Variants in DPP6 observed in about 807,000 individuals in gnomAD.
DPP6 encodes A-type potassium channel modulatory protein DPP6.
DPP6 carries 69 observed loss-of-function variants against 122.6 expected under a neutral mutation model. The ratio of observed to expected loss-of-function variants is 0.56; its 90% confidence interval spans 0.46 to 0.69. DPP6 has a LOEUF of 0.69. DPP6 is among the 30% of genes least tolerant of loss of function. DPP6 has a pLI of 0.00. For missense variants in DPP6, 928 were observed against 1,116.9 expected, an observed-to-expected ratio of 0.83 and a Z score of 2.41; for synonymous variants, 418 against 433.1, an observed-to-expected ratio of 0.97 and a Z score of 0.43.
In DPP6 at chr7:154,241,189, G is replaced by GTGTGTGTGTT. The variant is rs1801578003; in HGVS notation, c.243+188135_243+188136insTTGTGTGTGT. On this transcript the variant is annotated intron_variant, in intron 1 of 25. Coordinates refer to ENST00000377770, the MANE Select transcript of DPP6 (RefSeq NM_130797.4). The surrounding 1 kb of genome is among the most constrained non-coding windows in gnomAD (Gnocchi z 9.0). The stretch of plus-strand genomic sequence containing the variant: ...AGTAGGTAATTCAATATCAATATGT[G>GTGTGTGTGTT]TGTGTGTGTGTGTGTGTGTGTGTGT... Among the ~76,000 whole-genome samples, 2 of 146,778 alleles carry GTGTGTGTGTT rather than the reference G, an allele frequency of 1.4e-5. No homozygotes were observed. Among genetic ancestry groups the GTGTGTGTGTT allele is most frequent in the Non-Finnish European group, 3.0e-5 (2 of 67,578 alleles).
At chr7:154,704,268 T>G (rs1381042336) in intron 7 of DPP6, among the ~76,000 whole-genome samples, 1 of 152,180 alleles carries the variant, frequency 6.6e-6, no homozygotes, top group Admixed American at 6.5e-5. Flanking sequence ...AGGATAAAAC[T>G]TGAATGGGTG....
At chr7:154,438,469 CAAAAAAAAAAA>C (rs58978160) in intron 1 of DPP6, among the ~76,000 whole-genome samples, 1,645 of 37,538 alleles carry the variant, frequency 0.044, 28 homozygotes, top group African/African-American at 0.13. Flanking sequence ...GACTCCAACT[CAAAAAAAAAAA>C]AAAAAAAAAA....
chr7:154,886,932 T>C (rs571219415), intron 22 of DPP6, among the ~76,000 whole-genome samples: 3 of 152,372 alleles, frequency 2.0e-5, no homozygotes, highest in Admixed American at 1.3e-4. Context: ...ATGTGAATCA[T>C]GTAAGAGGAA....
At chr7:153,897,551 T>C (rs1799463658) in intron 1 of DPP6, among the ~76,000 whole-genome samples, 1 of 152,216 alleles carries the variant, frequency 6.6e-6, no homozygotes, top group African/African-American at 2.4e-5. Flanking sequence ...AAAAATTTTC[T>C]TATCCCTACT....
At chr7:154,484,625 C>A (rs889203602) in intron 3 of DPP6, among the ~76,000 whole-genome samples, 1 of 152,252 alleles carries the variant, frequency 6.6e-6, no homozygotes, top group Non-Finnish European at 1.5e-5. Context: ...CTCCCCGCCC[C>A]CTGCAGCATG....
At chr7:154,806,935 C>T (rs1798730676) in intron 15 of DPP6, 59 bp from the exon 16 acceptor site, 2 of 1,588,762 alleles carry the variant, frequency 1.3e-6, no homozygotes, top group Admixed American at 3.4e-5. Flanking sequence ...TTGCGGCACC[C>T]AGCGTGGAGG....
chr7:153,919,759 C>T (rs1800545992), intron 1 of DPP6, among the ~76,000 whole-genome samples: 1 of 152,172 alleles, frequency 6.6e-6, no homozygotes, highest in South Asian at 2.1e-4. Flanking sequence ...GCCTCTGTTT[C>T]ATGAATTTCT....
chr7:154,415,469 A>G (rs1432141835), intron 1 of DPP6, among the ~76,000 whole-genome samples: 2 of 152,032 alleles, frequency 1.3e-5, no homozygotes, highest in South Asian at 2.1e-4. Context: ...AACTTTGCAG[A>G]GTTTTGTGGA....
intron 1 of DPP6, among the ~76,000 whole-genome samples, chr7:153,917,263 A>C (rs1317098105): frequency 6.6e-6 from 1 of 152,252 alleles, no homozygotes; most frequent in Non-Finnish European, 1.5e-5. Context: ...ATTAGGACAC[A>C]GTGCCTATCA....
chr7:153,965,582 A>G (rs1413152367), intron 1 of DPP6, among the ~76,000 whole-genome samples: 5 of 152,182 alleles, frequency 3.3e-5, no homozygotes, highest in East Asian at 3.9e-4. Flanking sequence ...GCGCGATTTC[A>G]GCTCACTGCA....
intron 1 of DPP6, among the ~76,000 whole-genome samples, chr7:154,115,170 G>A (rs568130303): frequency 3.3e-5 from 5 of 152,324 alleles, no homozygotes; most frequent in African/African-American, 1.2e-4. Flanking sequence ...ATCAGGTGGT[G>A]TGAAAGACAA....
chr7:154,541,989 C>T (rs983981501), intron 4 of DPP6, among the ~76,000 whole-genome samples: 6 of 152,164 alleles, frequency 3.9e-5, no homozygotes, highest in Admixed American at 2.0e-4. Context: ...GCTGTGCTGC[C>T]TTCTTTTCCC....
intron 1 of DPP6, among the ~76,000 whole-genome samples, chr7:154,405,019 C>T (rs1209481496): frequency 1.3e-5 from 2 of 151,776 alleles, no homozygotes; most frequent in South Asian, 2.1e-4. Context: ...AGCGTCATAC[C>T]TACATAAATA....
At chr7:154,158,001 A>G (rs1466644462) in intron 1 of DPP6, among the ~76,000 whole-genome samples, 4 of 148,554 alleles carry the variant, frequency 2.7e-5, no homozygotes, top group Admixed American at 2.0e-4. Context: ...ATATATTTAT[A>G]CTAATTTATT....
intron 2 of DPP6, among the ~76,000 whole-genome samples, chr7:154,448,411 C>A (rs1351361312): frequency 6.6e-6 from 1 of 151,994 alleles, no homozygotes; most frequent in African/African-American, 2.4e-5. Context: ...AACTACAAAA[C>A]AAAATGGAAA....
chr7:154,500,217 G>A (rs1160421722), intron 3 of DPP6, among the ~76,000 whole-genome samples: 2 of 152,174 alleles, frequency 1.3e-5, no homozygotes, highest in East Asian at 3.8e-4. Flanking sequence ...TCAGTTTGAA[G>A]AAAAATGTCC....
chr7:153,950,024 A>G (rs1802134377), intron 1 of DPP6, among the ~76,000 whole-genome samples: 1 of 152,154 alleles, frequency 6.6e-6, no homozygotes, highest in Non-Finnish European at 1.5e-5. Context: ...ATTTGGTATA[A>G]GAAAGAAAGG....
chr7:154,193,223 T>C (rs900668918), intron 1 of DPP6, among the ~76,000 whole-genome samples: 3 of 152,238 alleles, frequency 2.0e-5, no homozygotes, highest in Non-Finnish European at 4.4e-5. Context: ...AGATTTTCTT[T>C]GGGATCTGTT....
intron 2 of DPP6, among the ~76,000 whole-genome samples, chr7:154,463,450 G>T (rs6962907): frequency 2.0e-5 from 3 of 151,382 alleles, no homozygotes. Flanking sequence ...CTCGTGATCC[G>T]CCCGTCTCGG....
Sources: gnomAD v4.1 joint callset for allele counts (sites outside exome capture counted in the v4.1 genomes callset) on GRCh38, gnomAD v4.1.1 for gene constraint, Gnocchi (gnomAD v3.1) non-coding constraint, MANE v1.5 for transcripts, NCBI Gene and HGNC (gene_info 2026-07-23, HGNC 2026-07-21) for gene names.